The following KHDC1 variants were observed in gnomAD, a reference collection of about 807,000 sequenced individuals.
The protein encoded by KHDC1 is KH domain containing 1, also known as KH homology domain-containing protein 1.
A neutral mutation model predicts 24.7 loss-of-function variants in KHDC1; 21 were observed. The ratio of observed to expected loss-of-function variants is 0.85; its 90% CI spans 0.60 to 1.23. KHDC1 has a LOEUF of 1.23. Ranked by LOEUF, KHDC1 falls within the 50% of genes most tolerant of loss-of-function variation. KHDC1 has a pLI of 0.00. For missense variants in KHDC1, 274 were observed against 298.5 expected (o/e 0.92, Z 0.61); for synonymous variants, 98 against 111.7 (o/e 0.88, Z 0.77).
chr6:73,265,503 T>A (rs186004445), intron 2 of KHDC1, among the ~76,000 whole-genome samples: 94 of 123,762 alleles, frequency 7.6e-4, no homozygotes, highest in Non-Finnish European at 1.3e-3. Context: ...CACTCTGGCC[T>A]GGGCAACTGA....
chr6:73,252,051 T>A (rs1176705805), intron 2 of KHDC1, among the ~76,000 whole-genome samples: 4 of 151,386 alleles, frequency 2.6e-5, no homozygotes, highest in African/African-American at 9.7e-5. Flanking sequence ...TTTTTTTTTT[T>A]TTTTTTTCTG....
At chr6:73,252,227 G>A (rs900224846) in intron 2 of KHDC1, among the ~76,000 whole-genome samples, 3 of 151,800 alleles carry the variant, frequency 2.0e-5, no homozygotes, top group Non-Finnish European at 4.4e-5. Context: ...ATTTTTTGTA[G>A]AGATGGGGGT....
At chr6:73,303,659 A>T (rs1259716946) in intron 1 of KHDC1, among the ~76,000 whole-genome samples, 12 of 152,182 alleles carry the variant, frequency 7.9e-5, no homozygotes, top group Non-Finnish European at 1.3e-4. Context: ...ATCCTGAGAA[A>T]ACATCAGACA....
chr6:73,252,491 T>C (rs1766798976), intron 2 of KHDC1, among the ~76,000 whole-genome samples: 1 of 152,126 alleles, frequency 6.6e-6, no homozygotes, highest in Non-Finnish European at 1.5e-5. Context: ...TTTTATACTC[T>C]GTGGCATGAA....
chr6:73,286,567 A>G (rs1767527805), intron 2 of KHDC1, among the ~76,000 whole-genome samples: 1 of 152,150 alleles, frequency 6.6e-6, no homozygotes, highest in Non-Finnish European at 1.5e-5. Flanking sequence ...TGTTATGACA[A>G]AGAGCAATAT....
chr6:73,256,129 C>T (rs997785311), intron 2 of KHDC1, among the ~76,000 whole-genome samples: 4 of 152,068 alleles, frequency 2.6e-5, no homozygotes, highest in Admixed American at 6.6e-5. Flanking sequence ...CTAGTAATTT[C>T]GAATGTGCTT....
At chr6:73,255,899 C>T (rs1766872432) in intron 2 of KHDC1, among the ~76,000 whole-genome samples, 1 of 129,778 alleles carries the variant, frequency 7.7e-6, no homozygotes, top group Admixed American at 8.3e-5. Flanking sequence ...GAGAACCTGT[C>T]TCAACAAAAA....
chr6:73,282,495 A>G (rs1179537081), intron 2 of KHDC1, among the ~76,000 whole-genome samples: 3 of 152,184 alleles, frequency 2.0e-5, no homozygotes, highest in African/African-American at 4.8e-5. Flanking sequence ...AACGAAGATG[A>G]TAACAGCCCT....
intron 2 of KHDC1, among the ~76,000 whole-genome samples, chr6:73,261,606 T>TA (rs898826886): frequency 8.1e-5 from 12 of 148,396 alleles, no homozygotes; most frequent in East Asian, 8.0e-4. Flanking sequence ...CCTGTCACTA[T>TA]AAAAAAAATA....
chr6:73,248,703 C>A (rs1301514016), intron 2 of KHDC1, among the ~76,000 whole-genome samples: 1 of 152,180 alleles, frequency 6.6e-6, no homozygotes, highest in Non-Finnish European at 1.5e-5. Context: ...ACCTCTTCCA[C>A]TTGATTCTTT....
chr6:73,295,325 G>A (rs1767737430), intron 1 of KHDC1, among the ~76,000 whole-genome samples: 1 of 152,150 alleles, frequency 6.6e-6, no homozygotes, highest in African/African-American at 2.4e-5. Context: ...ACATCCTGCA[G>A]ACTCGAGAGC....
intron 2 of KHDC1, among the ~76,000 whole-genome samples, chr6:73,278,007 G>A (rs1767330747): frequency 7.7e-6 from 1 of 130,396 alleles, no homozygotes; most frequent in Non-Finnish European, 1.6e-5. Flanking sequence ...TCTCTCTCGG[G>A]TGTTTTTTTT....
intron 2 of KHDC1, among the ~76,000 whole-genome samples, chr6:73,245,846 G>A (rs1034925638): frequency 3.9e-5 from 6 of 152,160 alleles, no homozygotes; most frequent in African/African-American, 7.2e-5. Context: ...CAAAACCTTC[G>A]CTGTCTATCA....
At chr6:73,287,476 G>T (rs1335244175) in intron 2 of KHDC1, among the ~76,000 whole-genome samples, 2 of 152,206 alleles carry the variant, frequency 1.3e-5, no homozygotes, top group East Asian at 3.8e-4. Context: ...TAGATGATTA[G>T]GCTGGAAGCA....
intron 2 of KHDC1, among the ~76,000 whole-genome samples, chr6:73,270,835 C>T (rs1248356219): frequency 2.6e-5 from 4 of 151,774 alleles, no homozygotes; most frequent in Admixed American, 6.6e-5. Context: ...GGACTACAGG[C>T]GCGTGCCACC....
At chr6:73,242,512 G>A (rs980024924) in exon 3 of KHDC1, 4 of 1,614,020 alleles carry the variant, frequency 2.5e-6, no homozygotes, top group Non-Finnish European at 2.5e-6. Flanking sequence ...TCGTTCCCAT[G>A]TCCATGCTCT....
Position 73,273,538 on chromosome 6 carries a change from C to T in KHDC1, c.206+18460G>A, listed in dbSNP as rs1349685770. Among the ~76,000 whole-genome samples, 7 of 151,238 alleles carry T rather than the reference C, an allele frequency of 4.6e-5. 1 individual carries two copies. The highest frequency in any genetic ancestry group is 6.5e-3 in the Middle Eastern group (2 of 308). On this transcript the variant is annotated intron_variant, in intron 2 of 4. Transcript: ENST00000370384. ...TAATAGTAATAAGCCAGGCACGGGC[C>T]GGGCGCAGTGGCTCACGCCTGTAGT...
At chr6:73,296,671 G>A (rs1049395057) in intron 1 of KHDC1, among the ~76,000 whole-genome samples, 1 of 152,116 alleles carries the variant, frequency 6.6e-6, no homozygotes, top group Non-Finnish European at 1.5e-5. Context: ...CATTCAGATA[G>A]TTCTCTTTCT....
chr6:73,300,881 T>C (rs529773681), intron 1 of KHDC1: 1 of 152,404 alleles, frequency 6.6e-6, no homozygotes, highest in East Asian at 1.9e-4. Context: ...GCATGGGTCA[T>C]ACGTGTCCAA....
Sources: gnomAD v4.1 joint callset for allele counts (sites outside exome capture counted in the v4.1 genomes callset) on GRCh38, gnomAD v4.1.1 for gene constraint, MANE v1.5 for transcripts, NCBI Gene and HGNC (gene_info 2026-07-23, HGNC 2026-07-21) for gene names.